The following TNNI3K variants were observed in gnomAD, a reference collection of about 807,000 sequenced individuals.
The protein encoded by TNNI3K is TNNI3 interacting kinase.
Under a neutral mutation model 114.5 loss-of-function variants are expected in TNNI3K, and 140 were observed. That is an observed-to-expected ratio of 1.22 (90% CI 1.07 to 1.41). TNNI3K has a LOEUF of 1.41. Ranked by LOEUF, TNNI3K falls within the 40% of genes most tolerant of loss-of-function variation. The probability of loss-of-function intolerance (pLI) is 0.00; values close to 1 mark genes in which losing one functional copy is unlikely to be tolerated. For synonymous variants in TNNI3K, 347 were observed against 347.5 expected, an observed-to-expected ratio of 1.00 and a Z score of 0.02; for missense variants, 1,125 against 1,007.6, an observed-to-expected ratio of 1.12 and a Z score of -1.58.
At chr1:74,464,778 T>C (rs1178514691) in intron 21 of TNNI3K, 5 of 1,536,164 alleles carry the variant, frequency 3.3e-6, no homozygotes, top group Non-Finnish European at 4.4e-6. Flanking sequence ...ATGTGTTACA[T>C]GTTTATTTGT....
chr1:74,434,838 C>T (rs1217058063), intron 17 of TNNI3K, among the ~76,000 whole-genome samples: 1 of 151,916 alleles, frequency 6.6e-6, no homozygotes, highest in African/African-American at 2.4e-5. Flanking sequence ...AAGATAAAAT[C>T]AGTAGCAATT....
At chr1:74,498,969 CAT>C (rs1467617944) in intron 23 of TNNI3K, among the ~76,000 whole-genome samples, 3 of 152,120 alleles carry the variant, frequency 2.0e-5, no homozygotes, top group African/African-American at 7.2e-5. Context: ...AAAAGCAAAA[CAT>C]AATATTCTGA....
At chr1:74,289,769 G>A (rs543499) in intron 5 of TNNI3K, among the ~76,000 whole-genome samples, 150,644 of 152,012 alleles carry the variant, frequency 0.99, 74,663 homozygotes, top group Middle Eastern at 1. Flanking sequence ...AAAATTATAT[G>A]TGTCTAGTCC....
chr1:74,464,282 C>T (rs1667574139), intron 21 of TNNI3K, among the ~76,000 whole-genome samples: 1 of 152,140 alleles, frequency 6.6e-6, no homozygotes, highest in Non-Finnish European at 1.5e-5. Flanking sequence ...CAGTTCAGTC[C>T]AGTGTCTAGT....
intron 11 of TNNI3K, among the ~76,000 whole-genome samples, chr1:74,363,992 T>TTATTAC (rs1477075947): frequency 6.8e-6 from 1 of 146,352 alleles, no homozygotes; most frequent in Non-Finnish European, 1.5e-5. Flanking sequence ...ATTATTATTA[T>TTATTAC]TATTATTATT....
intron 23 of TNNI3K, among the ~76,000 whole-genome samples, chr1:74,520,601 T>A (rs757927857): frequency 1.3e-5 from 2 of 151,858 alleles, no homozygotes; most frequent in African/African-American, 2.4e-5. Context: ...CCAAAATTTT[T>A]GTCTCACAAC....
chr1:74,436,421 A>G, intron 18 of TNNI3K, 53 bp from the exon 19 acceptor site: 3 of 1,528,068 alleles, frequency 2.0e-6, no homozygotes, highest in Non-Finnish European at 2.6e-6. Flanking sequence ...GTGATCTTTT[A>G]CCTTGGTTTT....
At chr1:74,527,410 G>T (rs1215163185) in intron 23 of TNNI3K, among the ~76,000 whole-genome samples, 1 of 152,182 alleles carries the variant, frequency 6.6e-6, no homozygotes, top group East Asian at 1.9e-4. Flanking sequence ...GTAGAAAATA[G>T]GAAACACAAG....
At chr1:74,262,544 A>T (rs1178904287) in intron 4 of TNNI3K, among the ~76,000 whole-genome samples, 1 of 152,090 alleles carries the variant, frequency 6.6e-6, no homozygotes, top group Non-Finnish European at 1.5e-5. Flanking sequence ...ATTTGAAGAA[A>T]AAAAAAACTC....
At chr1:74,319,541 C>T (rs1032364331) in intron 5 of TNNI3K, among the ~76,000 whole-genome samples, 6 of 152,026 alleles carry the variant, frequency 3.9e-5, no homozygotes, top group African/African-American at 7.2e-5. Context: ...TGTTATGTCT[C>T]GAAGATATGG....
intron 18 of TNNI3K, 60 bp downstream of exon 18, chr1:74,436,192 CCT>C (rs1666120858): frequency 2.5e-6 from 4 of 1,591,752 alleles, no homozygotes; most frequent in Non-Finnish European, 3.4e-6. Flanking sequence ...CAATATGGTG[CCT>C]GATATTGTAC....
rs1404770915 is a variant in TNNI3K, at chr1:74,524,265, C to A, written c.2352-15969C>A. Among the ~76,000 whole-genome samples, 7 of 152,342 alleles carry A rather than the reference C, an allele frequency of 4.6e-5. No homozygotes were observed. The East Asian group carries it at 1.2e-3, about 25-fold the overall frequency. ...CTGTTGGGAATTTTAACAGCCTGAT[C>A]TCTGCCCCATTCAGATGGTTATGGT... On this transcript the variant is annotated intron_variant, in intron 23 of 24. Transcript: ENST00000326637.
At chr1:74,279,623 T>A (rs1173993436) in intron 5 of TNNI3K, among the ~76,000 whole-genome samples, 1 of 152,204 alleles carries the variant, frequency 6.6e-6, no homozygotes, top group Non-Finnish European at 1.5e-5. Context: ...AATAGAAAGA[T>A]GTAGCTTTCA....
chr1:74,352,666 G>T (rs1001308896), intron 9 of TNNI3K, among the ~76,000 whole-genome samples: 7 of 152,208 alleles, frequency 4.6e-5, no homozygotes, highest in Non-Finnish European at 8.8e-5. Context: ...CCTGGGCAAT[G>T]GCAGGCGTCC....
intron 17 of TNNI3K, among the ~76,000 whole-genome samples, chr1:74,409,445 A>G (rs1664775108): frequency 6.6e-6 from 1 of 151,380 alleles, no homozygotes; most frequent in Non-Finnish European, 1.5e-5. Context: ...TAATACTTTG[A>G]ACTGTGTATT....
At chr1:74,349,650 C>T (rs1175719560) in intron 9 of TNNI3K, among the ~76,000 whole-genome samples, 2 of 152,114 alleles carry the variant, frequency 1.3e-5, no homozygotes, top group African/African-American at 4.8e-5. Context: ...AATTTCAGAG[C>T]CTGTTATTTG....
rs1553129785 is a variant in TNNI3K at position 74,309,381 on chromosome 1, A to AAAAAAAAAAAG, written c.445-22069_445-22068insAAAAAAAAAAG. The stretch of plus-strand genomic sequence containing the variant: ...GACTCTGTCTCAAAAAAAAAAAAAA[A>AAAAAAAAAAAG]GAAGAGATAATATCAATCTTACTGA... On this transcript the variant is annotated intron_variant, in intron 5 of 24. Coordinates refer to ENST00000326637, the MANE Select transcript of TNNI3K (RefSeq NM_015978.3). 2.1e-3 allele frequency among the ~76,000 whole-genome samples: 297 copies of AAAAAAAAAAAG among 143,902 alleles called. 1 individual carries two copies. The highest frequency in any genetic ancestry group is 7.3e-3 in the African/African-American group (270 of 37,026). The allele number at this position is 143,902 out of a possible 152,430, so 94.4% of individuals were successfully genotyped here.
intron 9 of TNNI3K, among the ~76,000 whole-genome samples, chr1:74,347,559 C>A (rs1453070261): frequency 2.0e-5 from 3 of 152,172 alleles, no homozygotes. Context: ...AATTCTAGAT[C>A]CCTGAGGAAT....
chr1:74,477,313 A>G lies in TNNI3K; in HGVS notation c.2122-11876A>G, dbSNP rs1668252540. Among the ~76,000 whole-genome samples the G allele has an allele frequency of 2.0e-5, 3 of 152,228 alleles. No individual in the cohort carries two copies. The South Asian group carries it at 6.2e-4, about 32-fold the overall frequency. On this transcript the variant is annotated intron_variant, in intron 21 of 24. Transcript: ENST00000326637. Reference sequence around the variant, plus strand: ...TTTTTCTCCTTTCACAAATGAGGATAACTAATACTACCCAGGGATTAAATA... The same window carrying G: ...TTTTTCTCCTTTCACAAATGAGGATGACTAATACTACCCAGGGATTAAATA...
Sources: gnomAD v4.1 joint callset for allele counts (sites outside exome capture counted in the v4.1 genomes callset) on GRCh38, gnomAD v4.1.1 for gene constraint, MANE v1.5 for transcripts, NCBI Gene and HGNC (gene_info 2026-07-23, HGNC 2026-07-21) for gene names.